The following MACROD2 variants were observed in gnomAD, a reference collection of about 807,000 sequenced individuals.
The protein encoded by MACROD2 is ADP-ribose glycohydrolase MACROD2.
Under a neutral mutation model 70.4 loss-of-function variants are expected in MACROD2, and 36 were observed. The ratio of observed to expected loss-of-function variants is 0.51; its 90% CI spans 0.39 to 0.68. MACROD2 has a LOEUF of 0.68. MACROD2 is among the 30% of genes least tolerant of loss of function. The probability of loss-of-function intolerance (pLI) is 0.00; values close to 1 mark genes in which losing one functional copy is unlikely to be tolerated. For synonymous variants in MACROD2, 172 were observed against 178.8 expected, an observed-to-expected ratio of 0.96 and a Z score of 0.30; for missense variants, 496 against 538.4, an observed-to-expected ratio of 0.92 and a Z score of 0.78.
chr20:14,030,117 C>T (rs2053228411), intron 2 of MACROD2, among the ~76,000 whole-genome samples: 1 of 152,226 alleles, frequency 6.6e-6, no homozygotes, highest in Admixed American at 6.5e-5. Flanking sequence ...ACTGCAGCCT[C>T]CAACTCCAGG....
intron 3 of MACROD2, among the ~76,000 whole-genome samples, chr20:14,432,973 A>G (rs2084011755): frequency 6.6e-6 from 1 of 152,148 alleles, no homozygotes; most frequent in African/African-American, 2.4e-5. Flanking sequence ...ATAGAAAATA[A>G]TAATAATAAT....
intron 6 of MACROD2, among the ~76,000 whole-genome samples, chr20:15,356,117 T>A (rs567236826): frequency 6.6e-6 from 1 of 152,320 alleles, no homozygotes; most frequent in Admixed American, 6.5e-5. Context: ...ACATTATAAT[T>A]GGATTTAGCC....
At chr20:15,582,175 G>T (rs955289395) in intron 8 of MACROD2, among the ~76,000 whole-genome samples, 4 of 151,850 alleles carry the variant, frequency 2.6e-5, no homozygotes. Context: ...GACTGGAGGA[G>T]GCTCACGGGA....
chr20:15,259,098 T>C (rs991986904), intron 6 of MACROD2, among the ~76,000 whole-genome samples: 1 of 151,968 alleles, frequency 6.6e-6, no homozygotes, highest in African/African-American at 2.4e-5. Context: ...CTCATCTCCA[T>C]AGAAATTCAA....
At chr20:14,694,573 CTTA>C (rs2071100236) in intron 5 of MACROD2, among the ~76,000 whole-genome samples, 1 of 151,976 alleles carries the variant, frequency 6.6e-6, no homozygotes, top group Admixed American at 6.6e-5. Context: ...CATATGGTAC[CTTA>C]TTATTTAGTA....
intron 3 of MACROD2, among the ~76,000 whole-genome samples, chr20:14,188,090 C>A (rs1351808807): frequency 3.3e-5 from 5 of 152,090 alleles, no homozygotes; most frequent in African/African-American, 1.2e-4. Context: ...CTTTGTCAAT[C>A]TAAAGGGTAT....
chr20:14,683,757 G>A (rs1361591035), intron 4 of MACROD2, among the ~76,000 whole-genome samples: 3 of 152,066 alleles, frequency 2.0e-5, no homozygotes, highest in African/African-American at 7.2e-5. Flanking sequence ...CAATTACATG[G>A]TGTTATGGAC....
chr20:15,842,108 T>C (rs191497795), intron 8 of MACROD2, among the ~76,000 whole-genome samples: 2 of 152,176 alleles, frequency 1.3e-5, no homozygotes, highest in East Asian at 3.9e-4. Context: ...CCTGGGGCCA[T>C]AGCAGCACAA....
chr20:14,437,943 A>G (rs2084077012), intron 3 of MACROD2, among the ~76,000 whole-genome samples: 1 of 152,180 alleles, frequency 6.6e-6, no homozygotes. Context: ...CATTCCCCCT[A>G]CAGTGACAAG....
At chr20:16,002,527 G>A (rs993531850) in intron 15 of MACROD2, among the ~76,000 whole-genome samples, 3 of 152,154 alleles carry the variant, frequency 2.0e-5, no homozygotes, top group African/African-American at 7.2e-5. Context: ...GCAGAGGAGA[G>A]ACCACAAGAG....
chr20:14,545,943 G>T (rs779639579), intron 4 of MACROD2, among the ~76,000 whole-genome samples: 2 of 152,144 alleles, frequency 1.3e-5, no homozygotes, highest in African/African-American at 4.8e-5. Context: ...ACAAAGATGG[G>T]ATTGCATTGA....
chr20:15,213,581 C>T (rs2076782746), intron 5 of MACROD2, among the ~76,000 whole-genome samples: 1 of 152,026 alleles, frequency 6.6e-6, no homozygotes, highest in African/African-American at 2.4e-5. Flanking sequence ...AAGTCACGTC[C>T]ATAAAGGTGA....
chr20:14,625,228 C>CTTGAGT (rs1438844034), intron 4 of MACROD2, among the ~76,000 whole-genome samples: 20 of 151,944 alleles, frequency 1.3e-4, no homozygotes, highest in African/African-American at 4.6e-4. Flanking sequence ...TCGAGAGGCT[C>CTTGAGT]AGGCAGGAGA....
chr20:15,142,619 G>A (rs942668141), intron 5 of MACROD2, among the ~76,000 whole-genome samples: 6 of 151,738 alleles, frequency 4.0e-5, no homozygotes, highest in South Asian at 2.1e-4. Context: ...CCATTAACTC[G>A]TCATTTACAT....
At chr20:15,650,897 G>A (rs1398416396) in intron 8 of MACROD2, among the ~76,000 whole-genome samples, 1 of 152,128 alleles carries the variant, frequency 6.6e-6, no homozygotes, top group Non-Finnish European at 1.5e-5. Flanking sequence ...GGTGTCATCA[G>A]CACACCTGAC....
intron 6 of MACROD2, among the ~76,000 whole-genome samples, chr20:15,324,234 A>G (rs1446323751): frequency 2.0e-5 from 3 of 152,186 alleles, no homozygotes; most frequent in African/African-American, 7.2e-5. Context: ...TCAGGCAAGT[A>G]CAATTTTCAC....
intron 15 of MACROD2, among the ~76,000 whole-genome samples, chr20:16,038,929 A>G (rs1455965186): frequency 6.6e-6 from 1 of 151,916 alleles, no homozygotes; most frequent in Non-Finnish European, 1.5e-5. Context: ...TTTTAAAGAG[A>G]TGGTCTATTT....
chr20:15,021,078 ATG>A (rs1459999370), intron 5 of MACROD2, among the ~76,000 whole-genome samples: 11 of 133,544 alleles, frequency 8.2e-5, no homozygotes, highest in African/African-American at 2.7e-4. Flanking sequence ...ACATGTGTGT[ATG>A]TGTATACACG....
chr20:15,912,645 C>A (rs1431452720), intron 10 of MACROD2, among the ~76,000 whole-genome samples: 1 of 152,058 alleles, frequency 6.6e-6, no homozygotes, highest in Non-Finnish European at 1.5e-5. Flanking sequence ...AGTTGGTTAT[C>A]GGTGAAACAT....
Sources: gnomAD v4.1 joint callset for allele counts (sites outside exome capture counted in the v4.1 genomes callset) on GRCh38, gnomAD v4.1.1 for gene constraint, MANE v1.5 for transcripts, NCBI Gene and HGNC (gene_info 2026-07-23, HGNC 2026-07-21) for gene names.